The following SFXN5 variants were observed in gnomAD, a reference collection of about 807,000 sequenced individuals.
SFXN5 encodes sideroflexin 5.
Under a neutral mutation model 50.2 loss-of-function variants are expected in SFXN5, and 43 were observed. That is an observed-to-expected ratio of 0.86 (90% CI 0.67 to 1.11). The LOEUF (loss-of-function observed/expected upper bound fraction) is 1.11, where lower values mean the gene tolerates loss of function less well. SFXN5 is among the 50% of genes least tolerant of loss of function. The pLI, the probability that SFXN5 is intolerant of heterozygous loss-of-function variation, is 0.00. For missense variants in SFXN5, 463 were observed against 454.1 expected (o/e 1.02, Z -0.18); for synonymous variants, 203 against 185.8 (o/e 1.09, Z -0.75).
chr2:73,007,910 C>G (rs1010598819), intron 6 of SFXN5, among the ~76,000 whole-genome samples: 1 of 152,152 alleles, frequency 6.6e-6, no homozygotes, highest in Non-Finnish European at 1.5e-5. Context: ...AATGTTTACC[C>G]CAGACCGGTC....
intron 10 of SFXN5, among the ~76,000 whole-genome samples, chr2:72,978,815 G>A (rs761148459): frequency 8.0e-5 from 12 of 149,520 alleles, no homozygotes; most frequent in Non-Finnish European, 8.9e-5. Flanking sequence ...GCCCAGATCT[G>A]TTTTTTTTTT....
chr2:72,957,457 G>A (rs1673232050), intron 13 of SFXN5, among the ~76,000 whole-genome samples: 2 of 152,244 alleles, frequency 1.3e-5, no homozygotes, highest in South Asian at 2.1e-4. Flanking sequence ...AATCTCTGGG[G>A]TTAGTGAGTT....
chr2:73,070,520 C>A (rs1447004577), intron 1 of SFXN5: 2 of 152,394 alleles, frequency 1.3e-5, no homozygotes, highest in Admixed American at 6.5e-5. Context: ...CTGCCGCCCA[C>A]CCCTGGCAAG....
At chr2:73,069,893 G>A (rs1683450870) in intron 1 of SFXN5, among the ~76,000 whole-genome samples, 1 of 152,186 alleles carries the variant, frequency 6.6e-6, no homozygotes, top group Non-Finnish European at 1.5e-5. Flanking sequence ...CTCCATCAGG[G>A]TAAGACAGAG....
chr2:73,060,605 G>C (rs1682688077), intron 1 of SFXN5, among the ~76,000 whole-genome samples: 1 of 152,076 alleles, frequency 6.6e-6, no homozygotes, highest in African/African-American at 2.4e-5. Context: ...AGTGACAAAA[G>C]TGGAATATGG....
At position 72,961,522 on chromosome 2, in the gene SFXN5, G is replaced by A. The variant is rs939364899; in HGVS notation, c.828-274C>T. Reference sequence around the variant, plus strand: ...ACTCAGGTCACGAATGAGTACTTTCGGGGCACCCACCCGCCACGCGTCCAG... The same window carrying A: ...ACTCAGGTCACGAATGAGTACTTTCAGGGCACCCACCCGCCACGCGTCCAG... On this transcript the variant is annotated intron_variant, in intron 12 of 13. Coordinates refer to ENST00000272433, the MANE Select transcript of SFXN5 (RefSeq NM_144579.3). The surrounding 1 kb of genome is among the most constrained non-coding windows in gnomAD (Gnocchi z 4.4). Among the ~76,000 whole-genome samples, 8 of 152,120 alleles carry A rather than the reference G, an allele frequency of 5.3e-5. No individual in the cohort carries two copies. The highest frequency in any genetic ancestry group is 8.8e-5 in the Non-Finnish European group (6 of 68,024).
chr2:72,978,385 C>T (rs942090271), intron 10 of SFXN5, among the ~76,000 whole-genome samples: 5 of 151,084 alleles, frequency 3.3e-5, no homozygotes, highest in Non-Finnish European at 7.4e-5. Flanking sequence ...CGGGTTCAAG[C>T]GATTCTCCTG....
In SFXN5 at chr2:72,968,487, A is replaced by AC. The variant is rs1474914074; in HGVS notation, c.787_788insG (p.Ile263SerfsTer55). On this transcript the variant is annotated frameshift_variant, in exon 12 of 14. Coordinates refer to ENST00000272433, the MANE Select transcript of SFXN5 (RefSeq NM_144579.3). LOFTEE classifies it high-confidence loss of function. The stretch of plus-strand genomic sequence containing the variant: ...CATGACGATCGGGGGTAGCACCAGG[A>AC]TGGGCATGGGCAGGACCACTCGCGT... 6.2e-7 allele frequency: 1 copy of AC among 1,612,948 alleles called. No homozygotes were observed. The highest frequency in any genetic ancestry group is 1.7e-5 in the Admixed American group (1 of 60,010).
In SFXN5 at chr2:72,973,515, T is replaced by C. The variant is rs1012730698; in HGVS notation, c.626-1830A>G. Reference sequence around the variant, plus strand: ...CAAAGGATCATCTGGCCCCCAAATATGTCAACATTGCTGACACTGAGAAAC... The same window carrying C: ...CAAAGGATCATCTGGCCCCCAAATACGTCAACATTGCTGACACTGAGAAAC... On this transcript the variant is annotated intron_variant, in intron 10 of 13. Transcript: ENST00000272433. This position sits in a 1 kb window ranked among gnomAD's most constrained non-coding sequence, Gnocchi z 5.5. 1 of 170,276 alleles carries C rather than the reference T, an allele frequency of 5.9e-6. No homozygotes were observed. The highest frequency in any genetic ancestry group is 2.4e-5 in the African/African-American group (1 of 41,520). The allele number at this position is 170,276 out of a possible 1,614,324, so 10.5% of individuals were successfully genotyped here. A position where few individuals can be genotyped will look rare whatever the true frequency, so the allele number is the denominator to read the frequency against.
chr2:73,028,474 G>A (rs1311849119), intron 3 of SFXN5, among the ~76,000 whole-genome samples: 2 of 152,182 alleles, frequency 1.3e-5, no homozygotes, highest in South Asian at 2.1e-4. Context: ...CAGGACTCCG[G>A]GTGCCTGTGA....
intron 11 of SFXN5, among the ~76,000 whole-genome samples, chr2:72,968,936 G>A (rs1399230966): frequency 2.0e-5 from 3 of 151,920 alleles, no homozygotes; most frequent in African/African-American, 7.3e-5. Context: ...CCGAGTAGCT[G>A]GGATTACAGG....
intron 1 of SFXN5, among the ~76,000 whole-genome samples, chr2:73,064,577 T>C (rs912953641): frequency 6.6e-6 from 1 of 152,208 alleles, no homozygotes; most frequent in Non-Finnish European, 1.5e-5. Context: ...AAGCAAACTA[T>C]GAGACATATC....
chr2:73,043,142 C>T (rs1266618621), intron 2 of SFXN5, among the ~76,000 whole-genome samples: 3 of 152,218 alleles, frequency 2.0e-5, no homozygotes, highest in African/African-American at 7.2e-5. Context: ...GAAGGAAGCT[C>T]GTGTCAAGGT....
chr2:72,961,251 G>A lies in SFXN5; in HGVS notation c.828-3C>T. The A allele has an allele frequency of 6.6e-7, 1 of 1,521,008 alleles. No homozygotes were observed. Among genetic ancestry groups the A allele is most frequent in the South Asian group, 1.2e-5 (1 of 81,364 alleles). The allele number at this position is 1,521,008 out of a possible 1,614,324, so 94.2% of individuals were successfully genotyped here. A position where few individuals can be genotyped will look rare whatever the true frequency, so the allele number is the denominator to read the frequency against. On this transcript the variant is annotated splice_polypyrimidine_tract_variant and splice_region_variant and intron_variant, in intron 12 of 13. Coordinates refer to ENST00000272433, the MANE Select transcript of SFXN5 (RefSeq NM_144579.3). This position sits in a 1 kb window ranked among gnomAD's most constrained non-coding sequence, Gnocchi z 4.4. ...GGCGTGCCTGCAGGAGAGCCGTCCT[G>A]TGAGGGAGAGAGGAGGGAGCCCCAT... is the stretch of plus-strand genomic sequence containing the variant.
At chr2:73,039,914 G>T (rs1289680904) in intron 3 of SFXN5, among the ~76,000 whole-genome samples, 1 of 151,892 alleles carries the variant, frequency 6.6e-6, no homozygotes, top group Non-Finnish European at 1.5e-5. Context: ...AGGTTCAAGC[G>T]ATTCTCCTGC....
chr2:72,978,171 A>G (rs747913794), intron 10 of SFXN5, among the ~76,000 whole-genome samples: 1 of 151,918 alleles, frequency 6.6e-6, no homozygotes, highest in Non-Finnish European at 1.5e-5. Flanking sequence ...CTGTTTGGAA[A>G]CCCAAATGTC....
At chr2:73,033,632 T>C (rs1678592903) in intron 3 of SFXN5, among the ~76,000 whole-genome samples, 1 of 152,130 alleles carries the variant, frequency 6.6e-6, no homozygotes, top group Non-Finnish European at 1.5e-5. Context: ...GTCTGGTATG[T>C]TTGAGAGACA....
At chr2:72,997,348 C>T (rs1574069544) in intron 9 of SFXN5, 1 of 152,162 alleles carries the variant, frequency 6.6e-6, no homozygotes, top group African/African-American at 2.4e-5. Context: ...ACAGTATTTA[C>T]TTAATGGCAC....
At chr2:73,022,484 C>T in intron 5 of SFXN5, 38 bp downstream of exon 5, 2 of 1,562,276 alleles carry the variant, frequency 1.3e-6, no homozygotes, top group Non-Finnish European at 1.8e-6. Flanking sequence ...AGTAAGCACC[C>T]CAGGCTGACC....
Sources: gnomAD v4.1 joint callset for allele counts (sites outside exome capture counted in the v4.1 genomes callset) on GRCh38, gnomAD v4.1.1 for gene constraint, Gnocchi (gnomAD v3.1) non-coding constraint, MANE v1.5 for transcripts, NCBI Gene and HGNC (gene_info 2026-07-23, HGNC 2026-07-21) for gene names.